The following ADGRA2 variants were observed in gnomAD, a reference collection of about 807,000 sequenced individuals.
The protein encoded by ADGRA2 is G-protein coupled receptor 124.
A neutral mutation model predicts 98.7 loss-of-function variants in ADGRA2; 61 were observed. The observed-to-expected ratio is 0.62, with a 90% CI of 0.50 to 0.76. The LOEUF (loss-of-function observed/expected upper bound fraction) is 0.76, where lower values mean the gene tolerates loss of function less well. Ranked by LOEUF, ADGRA2 falls within the 30% of genes least tolerant of loss-of-function variation. The probability of loss-of-function intolerance (pLI) is 0.00; values close to 1 mark genes in which losing one functional copy is unlikely to be tolerated. For missense variants in ADGRA2, 1,712 were observed against 1,860.0 expected (o/e 0.92, Z 1.46); for synonymous variants, 858 against 831.5 (o/e 1.03, Z -0.55).
At position 37,830,872 on chromosome 8, in the gene ADGRA2, C is replaced by G. The variant is rs201617128; in HGVS notation, c.881C>G (p.Ala294Gly). ...NRAPVEGDEQ[A>G]GILLAESLIH... ...GCCCCTGTGGAGGGTGATGAGCAGG[C>G]GGGCATCCTCCTGGCCGAGAGCCTC... Residue 294 changes from alanine (A) to glycine (G), a missense_variant, in exon 7 of 19, where the codon GCG (alanine) becomes GGG (glycine). Ala to Gly is a moderately conservative substitution (Grantham distance 60). Coordinates refer to ENST00000412232, the MANE Select transcript of ADGRA2 (RefSeq NM_032777.10). This position sits in a 1 kb window ranked among gnomAD's most constrained non-coding sequence, Gnocchi z 4.8. 65 of 1,592,816 alleles carry G rather than the reference C, an allele frequency of 4.1e-5. No individual in the cohort carries two copies. Among genetic ancestry groups the G allele is most frequent in the Non-Finnish European group, 5.6e-5 (65 of 1,169,882 alleles).
chr8:37,809,576 G>A (rs1804768458), intron 1 of ADGRA2, among the ~76,000 whole-genome samples: 1 of 152,188 alleles, frequency 6.6e-6, no homozygotes, highest in Non-Finnish European at 1.5e-5. Context: ...GGCAAGAAGG[G>A]GGCCCCTTGG....
Position 37,814,478 on chromosome 8 carries a change from G to A in ADGRA2, c.267-418G>A, listed in dbSNP as rs942987230. On this transcript the variant is annotated intron_variant, in intron 1 of 18. Transcript: ENST00000412232. The surrounding 1 kb of genome is among the most constrained non-coding windows in gnomAD (Gnocchi z 4.3). ...CAGACCTTCTGGGCATCCTGGCCCC[G>A]TTCAAGCCATTCTCCCCACCACTCT... 5.3e-5 allele frequency among the ~76,000 whole-genome samples: 8 copies of A among 152,228 alleles called. No homozygotes were observed. The highest frequency in any genetic ancestry group is 2.1e-4 in the South Asian group (1 of 4,836).
chr8:37,840,352 T>G, intron 17 of ADGRA2, 86 bp downstream of exon 17: 1 of 1,418,750 alleles, frequency 7.0e-7, no homozygotes, highest in Non-Finnish European at 9.8e-7. Flanking sequence ...GAAGGGTGAG[T>G]CTAAGGTCCC....
chr8:37,842,164 A>G lies in ADGRA2; in HGVS notation c.3826A>G (p.Ser1276Gly), dbSNP rs746259780. Residue 1276 changes from serine to glycine, a missense_variant, in exon 19 of 19, where the codon AGC becomes GGC. By Grantham distance (56) the Ser-to-Gly change is moderately conservative (BLOSUM62 0). Coordinates refer to ENST00000412232, the MANE Select transcript of ADGRA2 (RefSeq NM_032777.10). ...CCGGGCAGGCCAGCGCCGCAGCGCC[A>G]GCCGCGACAGTCTCAAGGGCGGCGG... ...AGRAGQRRSA[S>G]RDSLKGGGAL... 3.5e-4 allele frequency: 532 copies of G among 1,528,488 alleles called. No individual in the cohort carries two copies. The highest frequency in any genetic ancestry group is 4.3e-4 in the Non-Finnish European group (495 of 1,140,972). The allele number at this position is 1,528,488 out of a possible 1,614,324, so 94.7% of individuals were successfully genotyped here. A position where few individuals can be genotyped will look rare whatever the true frequency, so the allele number is the denominator to read the frequency against.
rs376035452 is a variant in ADGRA2, at chr8:37,828,933, C to T, written c.384C>T (p.Phe128=). 107 of 1,586,494 alleles carry T rather than the reference C, an allele frequency of 6.7e-5. No homozygotes were observed. The Admixed American group carries it at 8.4e-4, about 12-fold the overall frequency. ...NIISTVQPGA[F]LGLGELKRLD... ...TCAGCACAGTGCAGCCGGGCGCCTT[C>T]CTGGGCCTGGGGGAGCTGAAGCGTT... Residue 128 remains phenylalanine, a synonymous_variant, in exon 3 of 19, where the codon TTC becomes TTT. Transcript: ENST00000412232.
Position 37,837,884 on chromosome 8 carries a change from A to G in ADGRA2, c.2204A>G (p.Gln735Arg), listed in dbSNP as rs1805666801. Reference protein sequence around the residue: ...TSEGCQLRSSQPNVSALHCQH... With the variant: ...TSEGCQLRSSRPNVSALHCQH... ...GAGGGCTGCCAGCTCCGCTCCAGCC[A>G]GCCCAATGTCAGCGCCCTGCACTGC... The change falls in exon 14 of 19, where the codon CAG becomes CGG. Residue 735 changes from glutamine to arginine, a missense_variant. Physicochemically the swap from Gln to Arg is conservative, Grantham distance 43 (BLOSUM62 1). Coordinates refer to ENST00000412232, the MANE Select transcript of ADGRA2 (RefSeq NM_032777.10). The G allele has an allele frequency of 2.0e-6, 3 of 1,492,174 alleles. No homozygotes were observed. In the South Asian group the frequency reaches 4.1e-5, roughly 20 times the overall value. The allele number at this position is 1,492,174 out of a possible 1,614,324, so 92.4% of individuals were successfully genotyped here.
intron 2 of ADGRA2, 151 bp from the exon 3 acceptor site, chr8:37,828,737 C>T (rs1805361979): frequency 1.9e-6 from 1 of 520,746 alleles, no homozygotes; most frequent in Non-Finnish European, 3.3e-6. Flanking sequence ...TCCCACCTCC[C>T]ACCCGGTGCT....
chr8:37,806,262 G>A (rs1396778382), intron 1 of ADGRA2, among the ~76,000 whole-genome samples: 1 of 152,206 alleles, frequency 6.6e-6, no homozygotes, highest in East Asian at 1.9e-4. Context: ...ACACAAGGCT[G>A]AGTGCACAGT....
At chr8:37,826,223 G>C (rs911590272) in intron 2 of ADGRA2, among the ~76,000 whole-genome samples, 8 of 152,200 alleles carry the variant, frequency 5.3e-5, no homozygotes, top group Admixed American at 1.3e-4. Context: ...TCCCCCACGT[G>C]GGGGTGGGAG....
Position 37,844,720 on chromosome 8 carries a change from C to A in ADGRA2, c.*2365C>A. 6.2e-7 allele frequency: 1 copy of A among 1,614,066 alleles called. No homozygotes were observed. Among genetic ancestry groups the A allele is most frequent in the Non-Finnish European group, 8.5e-7 (1 of 1,180,026 alleles). On this transcript the variant is annotated 3_prime_UTR_variant, in exon 19 of 19. Transcript: ENST00000412232. ...GCCGGCCGCTTCCCCTGGGGTAAAC[C>A]TAAGGAATTATTTCCCACCTCCCCT...
chr8:37,833,165 T>C lies in ADGRA2; in HGVS notation c.1253T>C (p.Leu418Pro), dbSNP rs773928182. The C allele has an allele frequency of 2.5e-6, 4 of 1,613,178 alleles. No homozygotes were observed. The highest frequency in any genetic ancestry group is 3.4e-6 in the Non-Finnish European group (4 of 1,179,816). The change falls in exon 9 of 19, where the codon CTC becomes CCC. Residue 418 changes from leucine (L) to proline (P), a missense_variant. Physicochemically the swap from Leu to Pro is moderately conservative, Grantham distance 98 (BLOSUM62 -3). Coordinates refer to ENST00000412232, the MANE Select transcript of ADGRA2 (RefSeq NM_032777.10). ...GAGCCAGGGGACTACTCCCACTGTC[T>C]CTACACCAACGACATCACCAGGGTG... Reference protein sequence around the residue: ...RWEPGDYSHCLYTNDITRVLY... With the variant: ...RWEPGDYSHCPYTNDITRVLY...
At chr8:37,840,582 A>G (rs1460931334) in intron 17 of ADGRA2, among the ~76,000 whole-genome samples, 178 bp from the exon 18 acceptor site, 1 of 152,096 alleles carries the variant, frequency 6.6e-6, no homozygotes, top group Non-Finnish European at 1.5e-5. Context: ...TGCCCCTTAG[A>G]ACAGTCATGG....
chr8:37,833,088 G>C lies in ADGRA2; in HGVS notation c.1176G>C (p.Gly392=). The C allele has an allele frequency of 6.2e-7, 1 of 1,612,268 alleles. No individual in the cohort carries two copies. The highest frequency in any genetic ancestry group is 8.5e-7 in the Non-Finnish European group (1 of 1,179,662). Reference sequence around the variant, plus strand: ...CCTTCACCTCAGTGCCCCTGGGCGGGGGTGCCCCGGGCACCCGAGCCTCCC... The same window carrying C: ...CCTTCACCTCAGTGCCCCTGGGCGGCGGTGCCCCGGGCACCCGAGCCTCCC... ...QYPFTSVPLG[G]GAPGTRASRR... Residue 392 remains glycine (G), a synonymous_variant, in exon 9 of 19, where the codon GGG becomes GGC. Transcript: ENST00000412232.
chr8:37,824,489 ATTTTTTTTTT>A (rs34639785), intron 2 of ADGRA2, among the ~76,000 whole-genome samples: 2 of 114,686 alleles, frequency 1.7e-5, no homozygotes, highest in East Asian at 2.4e-4. Context: ...CTAAGGTGCA[ATTTTTTTTTT>A]TTTTTTTTTT....
chr8:37,844,502 A>C lies in ADGRA2; in HGVS notation c.*2147A>C, dbSNP rs1805911908. 1 of 1,612,868 alleles carries C rather than the reference A, an allele frequency of 6.2e-7. No individual in the cohort carries two copies. The highest frequency in any genetic ancestry group is 1.3e-5 in the African/African-American group (1 of 74,902). ...CAGTGGATATCCATCAGGGAGGGTT[A>C]GGGACACTCGTGGCAGCCTGTCTAG... On this transcript the variant is annotated 3_prime_UTR_variant, in exon 19 of 19. Coordinates refer to ENST00000412232, the MANE Select transcript of ADGRA2 (RefSeq NM_032777.10).
rs1224140424 is a variant in ADGRA2, at chr8:37,797,783, C to G, written c.266+249C>G. On this transcript the variant is annotated intron_variant, in intron 1 of 18. Transcript: ENST00000412232. The surrounding 1 kb of genome is among the most constrained non-coding windows in gnomAD (Gnocchi z 5.3). ...CAGAGAAAGGCACCGCAGGCGCCCA[C>G]TCACCTGCACAGGTGAAGTGGAGAG... Among the ~76,000 whole-genome samples the G allele has an allele frequency of 1.3e-5, 2 of 152,194 alleles. No homozygotes were observed. The highest frequency in any genetic ancestry group is 1.3e-4 in the Admixed American group (2 of 15,292).
In ADGRA2 at chr8:37,797,583, A is replaced by C; in HGVS notation, c.266+49A>C. The C allele has an allele frequency of 9.6e-7, 1 of 1,038,956 alleles. No homozygotes were observed. The highest frequency in any genetic ancestry group is 1.2e-6 in the Non-Finnish European group (1 of 828,700). 64.4% of individuals were successfully genotyped at this position (1,038,956 alleles called of 1,614,324 possible). ...CCGTCCGAGCCGGGACTGGGGACGA[A>C]GGGAGGCGAGACGGGAGGGGTGGGA... On this transcript the variant is annotated intron_variant, in intron 1 of 18. Transcript: ENST00000412232. This position sits in a 1 kb window ranked among gnomAD's most constrained non-coding sequence, Gnocchi z 5.3.
At chr8:37,812,484 G>A (rs1204352117) in intron 1 of ADGRA2, among the ~76,000 whole-genome samples, 4 of 151,778 alleles carry the variant, frequency 2.6e-5, no homozygotes, top group Non-Finnish European at 5.9e-5. Flanking sequence ...AAAATTAGCC[G>A]GGCGTGGTGG....
In ADGRA2 at chr8:37,834,542, C is replaced by T. The variant is rs1585402312; in HGVS notation, c.1608+414C>T. Among the ~76,000 whole-genome samples the T allele has an allele frequency of 6.6e-6, 1 of 152,138 alleles. No homozygotes were observed. Among genetic ancestry groups the T allele is most frequent in the South Asian group, 2.1e-4 (1 of 4,832 alleles). On this transcript the variant is annotated intron_variant, in intron 11 of 18. Transcript: ENST00000412232. The surrounding 1 kb of genome is among the most constrained non-coding windows in gnomAD (Gnocchi z 4.2). ...GTATGTTCAAGATATTGTGCTAGGC[C>T]CTTGGGGCGATGCAAAGGGGTGAGA...
Sources: gnomAD v4.1 joint callset for allele counts (sites outside exome capture counted in the v4.1 genomes callset) on GRCh38, gnomAD v4.1.1 for gene constraint, Gnocchi (gnomAD v3.1) non-coding constraint, MANE v1.5 for transcripts, NCBI Gene and HGNC (gene_info 2026-07-23, HGNC 2026-07-21) for gene names.